FAM118A: variants seen among roughly 807,000 people sequenced by gnomAD.
The protein encoded by FAM118A is SIR2 antiphage like 2.
Under a neutral mutation model 38.2 loss-of-function variants are expected in FAM118A, and 25 were observed. That is an observed-to-expected ratio of 0.65 (90% CI 0.48 to 0.91). The LOEUF (loss-of-function observed/expected upper bound fraction) is 0.91. Among genes scored for constraint, FAM118A ranks in the 40% least tolerant of loss-of-function variants. The probability of loss-of-function intolerance (pLI) is 0.00; values close to 1 mark genes in which losing one functional copy is unlikely to be tolerated. For synonymous variants in FAM118A, 178 were observed against 184.1 expected, an observed-to-expected ratio of 0.97 and a Z score of 0.27; for missense variants, 425 against 463.3, an observed-to-expected ratio of 0.92 and a Z score of 0.76.
chr22:45,340,032 A>AG (rs1443757039), intron 8 of FAM118A, among the ~76,000 whole-genome samples: 1 of 152,246 alleles, frequency 6.6e-6, no homozygotes, highest in Non-Finnish European at 1.5e-5. Context: ...GGGATCCCAG[A>AG]GGAATCGACA....
Position 45,322,327 on chromosome 22 carries a change from T to C in FAM118A, c.-9-44T>C, listed in dbSNP as rs758464585. ...CTTCCAGGGTGCAAATAAAAACTTT[T>C]ACCTGGGAGACAGAAGTCACTTCTG... On this transcript the variant is annotated intron_variant, in intron 1 of 8. Coordinates refer to ENST00000441876, the MANE Select transcript of FAM118A (RefSeq NM_017911.4). 4.6e-5 allele frequency: 74 copies of C among 1,592,962 alleles called. 1 individual carries two copies. The Admixed American group carries it at 9.8e-4, about 21-fold the overall frequency.
chr22:45,335,504 C>A, intron 7 of FAM118A, 122 bp downstream of exon 7: 2 of 1,111,488 alleles, frequency 1.8e-6, no homozygotes, highest in South Asian at 1.4e-5. Flanking sequence ...TGTATTAAAA[C>A]AGCCCCACTG....
intron 5 of FAM118A, 116 bp from the exon 6 acceptor site, chr22:45,332,309 C>T (rs1300630144): frequency 9.0e-7 from 1 of 1,107,052 alleles, no homozygotes; most frequent in East Asian, 2.4e-5. Context: ...TCAGCGTGGC[C>T]CTGGGAACGC....
rs368871362 is a variant in FAM118A, at chr22:45,330,677, G to A, written c.597G>A (p.Gly199=). The change falls in exon 5 of 9, where the codon GGG becomes GGA. Residue 199 remains glycine, a synonymous_variant. Coordinates refer to ENST00000441876, the MANE Select transcript of FAM118A (RefSeq NM_017911.4). ...ACGGCCTCTACACGGACCCCTGCGG[G>A]GTGGTGCTGGACCCATCGGGGTATA... ...HIHGLYTDPC[G]VVLDPSGYKD... 2.5e-6 allele frequency: 4 copies of A among 1,604,982 alleles called. No homozygotes were observed. The African/African-American group carries it at 4.0e-5, about 16-fold the overall frequency.
intron 1 of FAM118A, among the ~76,000 whole-genome samples, chr22:45,321,041 A>G (rs1213407709): frequency 6.6e-6 from 1 of 152,260 alleles, no homozygotes; most frequent in Non-Finnish European, 1.5e-5. Flanking sequence ...TTTTAATAAC[A>G]TAAAGGAGAT....
At chr22:45,337,293 G>A (rs1013864802) in intron 8 of FAM118A, among the ~76,000 whole-genome samples, 1 of 152,196 alleles carries the variant, frequency 6.6e-6, no homozygotes, top group Non-Finnish European at 1.5e-5. Context: ...AAGCATTTCC[G>A]TGATGAAAAC....
At chr22:45,336,951 G>A (rs2086145349) in intron 8 of FAM118A, among the ~76,000 whole-genome samples, 2 of 152,196 alleles carry the variant, frequency 1.3e-5, no homozygotes, top group African/African-American at 4.8e-5. Flanking sequence ...ATTTATTTAA[G>A]TGATTGAACT....
At chr22:45,339,273 A>C (rs2086315157) in intron 8 of FAM118A, among the ~76,000 whole-genome samples, 1 of 152,042 alleles carries the variant, frequency 6.6e-6, no homozygotes, top group South Asian at 2.1e-4. Flanking sequence ...GCGGGCGCCT[A>C]CTGTAGTCCC....
chr22:45,311,709 G>C (rs538354151), intron 1 of FAM118A, among the ~76,000 whole-genome samples: 70 of 152,224 alleles, frequency 4.6e-4, no homozygotes, highest in African/African-American at 1.4e-3. Flanking sequence ...ATGTGGCTGT[G>C]GTGGGGAGAC....
At chr22:45,320,746 T>C (rs2084828646) in intron 1 of FAM118A, among the ~76,000 whole-genome samples, 1 of 152,176 alleles carries the variant, frequency 6.6e-6, no homozygotes, top group Non-Finnish European at 1.5e-5. Flanking sequence ...CCAAAGTCAT[T>C]TTCAGTCAGT....
At chr22:45,336,501 G>A (rs769123362) in intron 8 of FAM118A, 90 bp downstream of exon 8, 200 of 973,934 alleles carry the variant, frequency 2.1e-4, no homozygotes, top group Non-Finnish European at 2.8e-4. Context: ...TTAATGCCCC[G>A]CGCCCTATGG....
At position 45,327,697 on chromosome 22, in the gene FAM118A, C is replaced by T. The variant is rs1030628450; in HGVS notation, c.301-145C>T. On this transcript the variant is annotated intron_variant, in intron 3 of 8. Coordinates refer to ENST00000441876, the MANE Select transcript of FAM118A (RefSeq NM_017911.4). ...CACGTGAGCATCCCCTGTCCCCCTG[C>T]TCTGGGGTTGCGGCGCACGCTGTGA... 2.5e-5 allele frequency: 19 copies of T among 769,558 alleles called. No homozygotes were observed. The African/African-American group carries it at 2.8e-4, about 11-fold the overall frequency. The allele number at this position is 769,558 out of a possible 1,614,324, so 47.7% of individuals were successfully genotyped here. A position where few individuals can be genotyped will look rare whatever the true frequency, so the allele number is the denominator to read the frequency against.
At chr22:45,313,394 C>T (rs1015288800) in intron 1 of FAM118A, among the ~76,000 whole-genome samples, 3 of 146,932 alleles carry the variant, frequency 2.0e-5, no homozygotes, top group Non-Finnish European at 4.4e-5. Flanking sequence ...GCGATCTCGG[C>T]TCACTGCAAC....
At chr22:45,327,617 G>T (rs1364247575) in intron 3 of FAM118A, among the ~76,000 whole-genome samples, 1 of 152,164 alleles carries the variant, frequency 6.6e-6, no homozygotes, top group Non-Finnish European at 1.5e-5. Context: ...CCCTGACAGC[G>T]CCTGCCCCCG....
chr22:45,312,693 A>G (rs905294462), intron 1 of FAM118A, among the ~76,000 whole-genome samples: 1 of 152,154 alleles, frequency 6.6e-6, no homozygotes, highest in Non-Finnish European at 1.5e-5. Context: ...GGAACAGCTC[A>G]CAGAACTCAG....
intron 1 of FAM118A, among the ~76,000 whole-genome samples, chr22:45,312,958 A>G (rs927178236): frequency 3.3e-5 from 5 of 152,126 alleles, no homozygotes; most frequent in East Asian, 1.9e-4. Context: ...TTGGTGATCA[A>G]CGTAATCTTT....
Position 45,332,479 on chromosome 22 carries a change from G to A in FAM118A, c.706G>A (p.Glu236Lys). Reference sequence around the variant, plus strand: ...GTCCTTTCTGTTTGTGGGCTGTGGGGAGACCCTTCGTGATCAGATATTCCA... The same window carrying A: ...GTCCTTTCTGTTTGTGGGCTGTGGGAAGACCCTTCGTGATCAGATATTCCA... Reference protein sequence around the residue: ...TKSFLFVGCGETLRDQIFQAL... With the variant: ...TKSFLFVGCGKTLRDQIFQAL... The change falls in exon 6 of 9, where the codon GAG becomes AAG. Residue 236 changes from glutamate (E) to lysine (K), a missense_variant. Transcript: ENST00000441876. 6.2e-7 allele frequency: 1 copy of A among 1,614,172 alleles called. No homozygotes were observed. The highest frequency in any genetic ancestry group is 1.3e-5 in the African/African-American group (1 of 75,038).
intron 3 of FAM118A, among the ~76,000 whole-genome samples, chr22:45,327,624 C>T (rs1166400867): frequency 6.6e-6 from 1 of 152,192 alleles, no homozygotes; most frequent in Non-Finnish European, 1.5e-5. Context: ...AGCGCCTGCC[C>T]CCGTCTCTGC....
chr22:45,311,120 G>T (rs1601863152), intron 1 of FAM118A, among the ~76,000 whole-genome samples: 3 of 152,164 alleles, frequency 2.0e-5, no homozygotes, highest in African/African-American at 7.2e-5. Flanking sequence ...GTTAAGGAGG[G>T]CGTCTTAGGA....
Sources: allele counts gnomAD v4.1 joint callset (sites outside exome capture counted in the v4.1 genomes callset), GRCh38; gene constraint gnomAD v4.1.1; transcripts MANE v1.5; gene names NCBI Gene and HGNC (gene_info 2026-07-23, HGNC 2026-07-21).